ASTN2: variants seen among roughly 807,000 people sequenced by gnomAD.
The protein encoded by ASTN2 is astrotactin 2, also known as astrotactin-2.
Under a neutral mutation model 139.8 loss-of-function variants are expected in ASTN2, and 54 were observed. The ratio of observed to expected loss-of-function variants is 0.39; its 90% CI spans 0.31 to 0.48. ASTN2 has a LOEUF of 0.48. ASTN2 is among the 20% of genes least tolerant of loss of function. The probability of loss-of-function intolerance (pLI) is 0.95; values close to 1 mark genes in which losing one functional copy is unlikely to be tolerated. For synonymous variants in ASTN2, 756 were observed against 719.5 expected, an observed-to-expected ratio of 1.05 and a Z score of -0.81; for missense variants, 1,565 against 1,725.1, an observed-to-expected ratio of 0.91 and a Z score of 1.64.
intron 19 of ASTN2, among the ~76,000 whole-genome samples, chr9:116,545,350 C>T (rs1366826787): frequency 3.3e-5 from 5 of 152,160 alleles, no homozygotes; most frequent in African/African-American, 1.2e-4. Context: ...TCCACATGTA[C>T]CCACCATTCT....
intron 10 of ASTN2, among the ~76,000 whole-genome samples, chr9:116,870,606 A>T (rs1044191428): frequency 6.6e-6 from 1 of 152,106 alleles, no homozygotes; most frequent in African/African-American, 2.4e-5. Flanking sequence ...TTTTCTGTTA[A>T]TACTGGCTCC....
At chr9:116,594,180 C>A (rs1249800628) in intron 19 of ASTN2, among the ~76,000 whole-genome samples, 1 of 152,174 alleles carries the variant, frequency 6.6e-6, no homozygotes, top group Non-Finnish European at 1.5e-5. Flanking sequence ...CCAGCAAGAG[C>A]CTCAATACAT....
chr9:117,309,664 G>C (rs1414562674), intron 1 of ASTN2, among the ~76,000 whole-genome samples: 4 of 152,148 alleles, frequency 2.6e-5, no homozygotes, highest in Non-Finnish European at 5.9e-5. Context: ...GGCCAAGAGA[G>C]GGAAAGGGAT....
chr9:116,686,236 G>T (rs1860200290), intron 16 of ASTN2, among the ~76,000 whole-genome samples: 1 of 152,086 alleles, frequency 6.6e-6, no homozygotes, highest in Admixed American at 6.5e-5. Context: ...AGGTATATGT[G>T]GCCTTGTGTA....
At chr9:116,902,853 T>G (rs917983929) in intron 10 of ASTN2, among the ~76,000 whole-genome samples, 1 of 152,178 alleles carries the variant, frequency 6.6e-6, no homozygotes, top group East Asian at 1.9e-4. Context: ...AGTAAATGTT[T>G]TTTTACTTCT....
intron 16 of ASTN2, among the ~76,000 whole-genome samples, chr9:116,712,878 A>G (rs1828206205): frequency 6.6e-6 from 1 of 152,146 alleles, no homozygotes; most frequent in African/African-American, 2.4e-5. Flanking sequence ...GTGAGTTTCC[A>G]CGTTAGGAAA....
chr9:116,814,233 G>A (rs1373964121), intron 12 of ASTN2, among the ~76,000 whole-genome samples: 1 of 151,918 alleles, frequency 6.6e-6, no homozygotes, highest in Non-Finnish European at 1.5e-5. Context: ...GGATCATCAG[G>A]GCTAGAACCA....
intron 16 of ASTN2, among the ~76,000 whole-genome samples, chr9:116,685,391 C>T (rs1006309600): frequency 5.3e-5 from 8 of 152,160 alleles, no homozygotes; most frequent in Non-Finnish European, 7.3e-5. Context: ...TCCAGTCTCC[C>T]GCACAGCTGA....
intron 20 of ASTN2, among the ~76,000 whole-genome samples, chr9:116,479,292 T>C (rs1382651683): frequency 1.3e-5 from 2 of 152,080 alleles, no homozygotes; most frequent in Non-Finnish European, 1.5e-5. Flanking sequence ...AGAAAGGAAA[T>C]GAAGAGGGTA....
chr9:116,748,092 C>G (rs556469219), intron 13 of ASTN2, among the ~76,000 whole-genome samples: 12 of 152,302 alleles, frequency 7.9e-5, no homozygotes, highest in Admixed American at 7.8e-4. Context: ...AAGGCCCTCA[C>G]ACCTTGACAT....
intron 13 of ASTN2, among the ~76,000 whole-genome samples, chr9:116,792,914 A>G (rs2132225764): frequency 6.6e-6 from 1 of 152,274 alleles, no homozygotes; most frequent in East Asian, 1.9e-4. Context: ...ACTCATGGAC[A>G]TAAAGATGGG....
chr9:117,221,228 T>C (rs1407501115), intron 2 of ASTN2, among the ~76,000 whole-genome samples: 2 of 152,114 alleles, frequency 1.3e-5, no homozygotes, highest in African/African-American at 4.8e-5. Flanking sequence ...TTTTCTTACG[T>C]ACACAACCTC....
At chr9:117,195,871 T>A (rs555673027) in intron 3 of ASTN2, among the ~76,000 whole-genome samples, 2 of 152,238 alleles carry the variant, frequency 1.3e-5, no homozygotes, top group East Asian at 1.9e-4. Context: ...AACAATAGGA[T>A]CTCCCTGCTG....
chr9:116,722,984 T>C (rs1332132578), intron 16 of ASTN2, among the ~76,000 whole-genome samples: 1 of 152,080 alleles, frequency 6.6e-6, no homozygotes, highest in Non-Finnish European at 1.5e-5. Context: ...GCTAACACAG[T>C]GAAACCCCAT....
At chr9:117,292,140 G>T (rs534369131) in intron 1 of ASTN2, among the ~76,000 whole-genome samples, 3 of 152,244 alleles carry the variant, frequency 2.0e-5, no homozygotes, top group African/African-American at 7.2e-5. Flanking sequence ...AAGTTTCCTT[G>T]GCTTAAAAAT....
chr9:116,989,484 A>G (rs1265610351), intron 7 of ASTN2, among the ~76,000 whole-genome samples: 4 of 152,142 alleles, frequency 2.6e-5, no homozygotes, highest in African/African-American at 9.7e-5. Flanking sequence ...TGCCATTTCC[A>G]GTCCCTTCCA....
chr9:116,731,694 G>A (rs1034090381), intron 14 of ASTN2, among the ~76,000 whole-genome samples: 5 of 152,160 alleles, frequency 3.3e-5, no homozygotes, highest in African/African-American at 1.2e-4. Context: ...AAAGTGTGGG[G>A]ATTACAGGCA....
At chr9:117,150,319 C>G (rs1050741885) in intron 3 of ASTN2, among the ~76,000 whole-genome samples, 1 of 152,184 alleles carries the variant, frequency 6.6e-6, no homozygotes, top group Non-Finnish European at 1.5e-5. Flanking sequence ...ACTTTCACCT[C>G]CCTCAACTAA....
At chr9:117,362,954 GCCTCTTCC>G (rs1423104245) in intron 1 of ASTN2, among the ~76,000 whole-genome samples, 1 of 152,078 alleles carries the variant, frequency 6.6e-6, no homozygotes, top group African/African-American at 2.4e-5. Context: ...TAACTAATAA[GCCTCTTCC>G]TACCCTCTTG....
Sources: gnomAD v4.1 joint callset for allele counts (sites outside exome capture counted in the v4.1 genomes callset) on GRCh38, gnomAD v4.1.1 for gene constraint, MANE v1.5 for transcripts, NCBI Gene and HGNC (gene_info 2026-07-23, HGNC 2026-07-21) for gene names.